NALCN: variants seen among roughly 807,000 people sequenced by gnomAD.
The protein encoded by NALCN is sodium leak channel, non-selective.
Under a neutral mutation model 225.3 loss-of-function variants are expected in NALCN, and 111 were observed. The observed-to-expected ratio is 0.49, with a 90% CI of 0.42 to 0.58. NALCN has a LOEUF of 0.58. Among genes scored for constraint, NALCN ranks in the 20% least tolerant of loss-of-function variants. The pLI is 0.00. For missense variants in NALCN, 1,378 were observed against 2,202.4 expected (o/e 0.63, Z 7.49); for synonymous variants, 764 against 769.0 (o/e 0.99, Z 0.11).
At chr13:101,266,408 T>C (rs186810847) in intron 10 of NALCN, among the ~76,000 whole-genome samples, 18 of 152,334 alleles carry the variant, frequency 1.2e-4, no homozygotes, top group Non-Finnish European at 2.9e-5. Flanking sequence ...AAAAGCTCTT[T>C]CTATTAAATT....
intron 30 of NALCN, among the ~76,000 whole-genome samples, chr13:101,087,091 G>A (rs1176080711): frequency 6.6e-6 from 1 of 151,960 alleles, no homozygotes; most frequent in Non-Finnish European, 1.5e-5. Context: ...ATCAAGTTAG[G>A]TTAATAAATC....
chr13:101,267,390 C>A (rs1217160350), intron 10 of NALCN, among the ~76,000 whole-genome samples: 1 of 152,184 alleles, frequency 6.6e-6, no homozygotes, highest in Non-Finnish European at 1.5e-5. Flanking sequence ...CAGTGATTTT[C>A]AAATTCCTCT....
intron 20 of NALCN, among the ~76,000 whole-genome samples, chr13:101,109,338 A>G (rs1348959049): frequency 6.6e-6 from 1 of 152,314 alleles, no homozygotes; most frequent in East Asian, 1.9e-4. Flanking sequence ...AACTAGAACC[A>G]TGTCTATAGG....
At chr13:101,121,547 G>A (rs935907848) in intron 18 of NALCN, among the ~76,000 whole-genome samples, 25 of 152,108 alleles carry the variant, frequency 1.6e-4, no homozygotes, top group South Asian at 2.1e-4. Context: ...CCTCCCTGGC[G>A]AGGAACCTCT....
At chr13:101,059,270 A>G (rs2031631617) in intron 42 of NALCN, 1 of 152,388 alleles carries the variant, frequency 6.6e-6, no homozygotes, top group African/African-American at 2.4e-5. Context: ...GTGACTTAAT[A>G]AATAGAAACT....
chr13:101,065,696 C>T (rs2032325368), intron 39 of NALCN, 135 bp from the exon 40 acceptor site: 2 of 1,058,250 alleles, frequency 1.9e-6, no homozygotes, highest in African/African-American at 1.6e-5. Context: ...AAGCTGGTCA[C>T]CTCCTTGGAG....
intron 7 of NALCN, among the ~76,000 whole-genome samples, chr13:101,298,478 C>T (rs926131240): frequency 6.6e-5 from 10 of 152,068 alleles, no homozygotes; most frequent in Admixed American, 2.6e-4. Context: ...CATGCCACCA[C>T]GCCTGGCTAA....
At chr13:101,323,479 C>T (rs2044828973) in intron 7 of NALCN, among the ~76,000 whole-genome samples, 1 of 152,130 alleles carries the variant, frequency 6.6e-6, no homozygotes, top group East Asian at 1.9e-4. Context: ...ATTCTATTTC[C>T]ACAGGTCCCC....
chr13:101,317,969 A>G (rs1304042759), intron 7 of NALCN, among the ~76,000 whole-genome samples: 5 of 151,930 alleles, frequency 3.3e-5, no homozygotes, highest in African/African-American at 1.2e-4. Flanking sequence ...GAGGAGGGAG[A>G]TCCTTTCTTT....
intron 18 of NALCN, among the ~76,000 whole-genome samples, chr13:101,112,286 T>G (rs1566826852): frequency 1.3e-5 from 2 of 152,222 alleles, no homozygotes; most frequent in South Asian, 4.1e-4. Context: ...CAGTTACCAC[T>G]TGTTTAAACC....
rs182022350 is a variant in NALCN, at chr13:101,259,580, C to T, written c.1135-1006G>A. ...CGATCTTCTGACCTCATGATCCGCC[C>T]GCCTCGGCCTCCCAAAGTGTTGGGA... On this transcript the variant is annotated intron_variant, in intron 10 of 43. Transcript: ENST00000251127. 6.9e-4 allele frequency among the ~76,000 whole-genome samples: 105 copies of T among 151,548 alleles called. 1 individual carries two copies. Among genetic ancestry groups the T allele is most frequent in the African/African-American group, 2.1e-3 (89 of 41,422 alleles).
At chr13:101,386,348 G>C (rs1285740192) in intron 3 of NALCN, among the ~76,000 whole-genome samples, 5 of 152,188 alleles carry the variant, frequency 3.3e-5, no homozygotes, top group Non-Finnish European at 7.3e-5. Context: ...AAGAGTGCCT[G>C]TATGTGCTAA....
intron 9 of NALCN, among the ~76,000 whole-genome samples, chr13:101,290,223 G>C (rs1281455203): frequency 1.3e-5 from 2 of 152,108 alleles, no homozygotes; most frequent in East Asian, 3.8e-4. Flanking sequence ...ACTTGGTGGT[G>C]CTTCCAAACA....
intron 13 of NALCN, among the ~76,000 whole-genome samples, chr13:101,217,266 A>G (rs1288770220): frequency 1.3e-5 from 2 of 152,158 alleles, no homozygotes; most frequent in Non-Finnish European, 2.9e-5. Context: ...GCTTATGGCA[A>G]TCTGTCTTAG....
At chr13:101,150,128 C>A (rs973568576) in intron 15 of NALCN, among the ~76,000 whole-genome samples, 2 of 145,716 alleles carry the variant, frequency 1.4e-5, no homozygotes, top group African/African-American at 5.1e-5. Flanking sequence ...GTGAAGGGAG[C>A]CAGACGCAAC....
At chr13:101,135,143 C>T (rs945681037) in intron 17 of NALCN, among the ~76,000 whole-genome samples, 1 of 152,120 alleles carries the variant, frequency 6.6e-6, no homozygotes, top group Non-Finnish European at 1.5e-5. Context: ...TGCAGTGAGC[C>T]GAGATCGTGC....
At position 101,191,917 on chromosome 13, in the gene NALCN, C is replaced by A; in HGVS notation, c.1764G>T (p.Leu588=). ...ATTGAAAAAAAAATGCTGAACTCAC[C>A]AGAGTGGCAAAAAGATGATAGAGAA... The part of the protein sequence containing the change: ...YFILYHLFAT[L]ILLSLFVAVI... Residue 588 remains leucine, a splice_region_variant and synonymous_variant, in exon 14 of 44, where the codon CTG becomes CTT. Transcript: ENST00000251127. The A allele has an allele frequency of 6.2e-7, 1 of 1,607,384 alleles. No homozygotes were observed. The highest frequency in any genetic ancestry group is 8.5e-7 in the Non-Finnish European group (1 of 1,177,202).
intron 6 of NALCN, 36 bp downstream of exon 6, chr13:101,376,664 C>A: frequency 6.4e-7 from 1 of 1,562,244 alleles, no homozygotes; most frequent in South Asian, 1.2e-5. Flanking sequence ...CTTTGTTAAT[C>A]AACTAGATTA....
intron 6 of NALCN, among the ~76,000 whole-genome samples, chr13:101,373,878 A>G (rs1444924871): frequency 6.6e-6 from 1 of 152,196 alleles, no homozygotes; most frequent in Non-Finnish European, 1.5e-5. Context: ...TCTGGATTTA[A>G]TTCTGACAGA....
Sources: gnomAD v4.1 joint callset for allele counts (sites outside exome capture counted in the v4.1 genomes callset) on GRCh38, gnomAD v4.1.1 for gene constraint, MANE v1.5 for transcripts, NCBI Gene and HGNC (gene_info 2026-07-23, HGNC 2026-07-21) for gene names.